Variants in SCG3 observed in about 807,000 individuals in gnomAD.
The protein encoded by SCG3 is secretogranin III, also known as secretogranin-3.
SCG3 carries 38 observed loss-of-function variants against 56.2 expected under a neutral mutation model. The ratio of observed to expected loss-of-function variants is 0.68; its 90% CI spans 0.52 to 0.89. The LOEUF is 0.89. SCG3 is among the 40% of genes least tolerant of loss of function. The probability of loss-of-function intolerance (pLI) is 0.00; values close to 1 mark genes in which losing one functional copy is unlikely to be tolerated. For missense variants in SCG3, 524 were observed against 540.7 expected, an observed-to-expected ratio of 0.97 and a Z score of 0.31; for synonymous variants, 176 against 184.2, an observed-to-expected ratio of 0.96 and a Z score of 0.36.
At chr15:51,701,357 A>T (rs1191842636) in intron 10 of SCG3, 113 bp downstream of exon 10, 7 of 1,092,066 alleles carry the variant, frequency 6.4e-6, no homozygotes, top group Non-Finnish European at 6.5e-6. Flanking sequence ...AAATTGACAC[A>T]ATCTGTATAG....
At chr15:51,688,461 A>G (rs2055244074) in intron 5 of SCG3, 59 bp downstream of exon 5, 1 of 1,534,802 alleles carries the variant, frequency 6.5e-7, no homozygotes, top group Non-Finnish European at 8.9e-7. Context: ...TATGCCAAGA[A>G]GCCAAGTCAC....
intron 10 of SCG3, among the ~76,000 whole-genome samples, chr15:51,710,638 G>T (rs1402769040): frequency 1.3e-5 from 2 of 152,062 alleles, no homozygotes; most frequent in Non-Finnish European, 2.9e-5. Flanking sequence ...CCAAGCTGGA[G>T]TGCAGTGGTG....
rs34159467 is a variant in SCG3, at chr15:51,692,257, T to C, written c.789T>C (p.Thr263=). Residue 263 remains threonine (T), a synonymous_variant, in exon 7 of 12, where the codon ACT becomes ACC. Transcript: ENST00000220478. Reference sequence around the variant, plus strand: ...TGACAAATGGCTTGGAAAGGAGAACTAAAACCTACAGTGAAGACAACTTTG... The same window carrying C: ...TGACAAATGGCTTGGAAAGGAGAACCAAAACCTACAGTGAAGACAACTTTG... ...LTLTNGLERR[T]KTYSEDNFEE... The C allele has an allele frequency of 8.5e-5, 137 of 1,614,142 alleles. No individual in the cohort carries two copies. The African/African-American group carries it at 1.6e-3, about 19-fold the overall frequency.
rs2055197744 is a variant in SCG3, at chr15:51,681,979, T to A, written c.82+142T>A. The stretch of plus-strand genomic sequence containing the variant: ...CATGAATACGGACAGAGAAATCAGT[T>A]CGAATTTAGAGACAGAAGACAGATT... On this transcript the variant is annotated intron_variant, in intron 1 of 11. Transcript: ENST00000220478. The A allele has an allele frequency of 1.6e-5, 10 of 636,972 alleles. No homozygotes were observed. In the East Asian group the frequency reaches 2.8e-4, roughly 18 times the overall value. The allele number at this position is 636,972 out of a possible 1,614,324, so 39.5% of individuals were successfully genotyped here.
chr15:51,682,542 A>C lies in SCG3; in HGVS notation c.108A>C (p.Leu36Phe). The change falls in exon 2 of 12, where the codon TTA becomes TTC. Residue 36 changes from leucine (L) to phenylalanine (F), a missense_variant. By Grantham distance (22) the Leu-to-Phe change is conservative. Transcript: ENST00000220478. ...ACAAATCTCTACATAATAGAGAATT[A>C]AGTGCAGAAAGACCTTTGAATGAAC... ...SQDKSLHNRE[L>F]SAERPLNEQI... is the part of the protein sequence containing the mutation. 6.9e-7 allele frequency: 1 copy of C among 1,449,210 alleles called. No individual in the cohort carries two copies. The highest frequency in any genetic ancestry group is 9.2e-7 in the Non-Finnish European group (1 of 1,081,842). The allele number at this position is 1,449,210 out of a possible 1,614,324, so 89.8% of individuals were successfully genotyped here.
intron 11 of SCG3, among the ~76,000 whole-genome samples, chr15:51,717,062 C>T (rs1047322706): frequency 1.3e-5 from 2 of 151,792 alleles, no homozygotes; most frequent in African/African-American, 4.8e-5. Flanking sequence ...CCCATCTCCA[C>T]AAAAAATTTA....
At chr15:51,695,764 A>AG in intron 7 of SCG3, 111 bp from the exon 8 acceptor site, 1 of 596,470 alleles carries the variant, frequency 1.7e-6, no homozygotes, top group Admixed American at 2.9e-5. Flanking sequence ...TCGTCTTTGA[A>AG]AAAAAAAAAA....
chr15:51,713,895 A>T (rs2055437055), intron 11 of SCG3, among the ~76,000 whole-genome samples: 1 of 152,210 alleles, frequency 6.6e-6, no homozygotes, highest in Non-Finnish European at 1.5e-5. Context: ...CAAGGAATGC[A>T]CAGCGTCATT....
chr15:51,708,726 C>T (rs145195085), intron 10 of SCG3, among the ~76,000 whole-genome samples: 2 of 152,098 alleles, frequency 1.3e-5, no homozygotes, highest in Admixed American at 1.3e-4. Context: ...GACAAAGTGG[C>T]GGGTGCCAGT....
intron 11 of SCG3, 74 bp downstream of exon 11, chr15:51,713,487 C>A: frequency 2.0e-6 from 2 of 1,022,000 alleles, no homozygotes; most frequent in Admixed American, 2.5e-5. Context: ...AAAATTCCCA[C>A]AGTCAAATTG....
intron 11 of SCG3, among the ~76,000 whole-genome samples, chr15:51,718,919 C>G (rs528657641): frequency 2.4e-4 from 37 of 152,178 alleles, no homozygotes; most frequent in African/African-American, 8.9e-4. Flanking sequence ...GTCAGAACAC[C>G]CGGTTCTGAT....
chr15:51,682,652 G>T, intron 2 of SCG3, 83 bp downstream of exon 2: 1 of 860,802 alleles, frequency 1.2e-6, no homozygotes. Context: ...TGACATTTTG[G>T]TCATTTTGAA....
At chr15:51,681,914 C>A in intron 1 of SCG3, 77 bp downstream of exon 1, 1 of 1,113,702 alleles carries the variant, frequency 9.0e-7, no homozygotes, top group Non-Finnish European at 1.4e-6. Context: ...AATACGTGAG[C>A]TGTAAATCAC....
intron 5 of SCG3, among the ~76,000 whole-genome samples, chr15:51,688,767 A>G (rs1177246538): frequency 6.6e-6 from 1 of 152,250 alleles, no homozygotes; most frequent in African/African-American, 2.4e-5. Context: ...TGACAAAAAA[A>G]GAAATAACAT....
chr15:51,683,190 C>A, intron 3 of SCG3, 29 bp from the exon 4 acceptor site: 1 of 1,603,780 alleles, frequency 6.2e-7, no homozygotes, highest in Non-Finnish European at 8.5e-7. Context: ...ACTAAAATGG[C>A]TGTGTTGGGT....
chr15:51,689,211 T>G lies in SCG3; in HGVS notation c.541-8T>G. The G allele has an allele frequency of 2.5e-6, 4 of 1,613,410 alleles. No homozygotes were observed. The highest frequency in any genetic ancestry group is 1.7e-6 in the Non-Finnish European group (2 of 1,179,588). ...AGCAGTTATATATGTTTTGCCTTTT[T>G]ATGATAGATCACAGAAAGCCAAGCA... On this transcript the variant is annotated splice_region_variant and splice_polypyrimidine_tract_variant and intron_variant, in intron 5 of 11. Coordinates refer to ENST00000220478, the MANE Select transcript of SCG3 (RefSeq NM_013243.4).
intron 8 of SCG3, among the ~76,000 whole-genome samples, chr15:51,696,797 C>T (rs1197267096): frequency 6.6e-6 from 1 of 152,050 alleles, no homozygotes; most frequent in Non-Finnish European, 1.5e-5. Flanking sequence ...AGGACAGCAC[C>T]AAGGAGATGG....
rs2055251137 is a variant in SCG3, at chr15:51,689,349, G to A, written c.671G>A (p.Gly224Glu). ...ACAAGCTGGACTGAGAATCAGGCTG[G>A]AAAAATACCAGAGAAAGTGGTATGT... Reference protein sequence around the residue: ...KPTSWTENQAGKIPEKVTPMA... With the variant: ...KPTSWTENQAEKIPEKVTPMA... Residue 224 changes from glycine (G) to glutamate (E), a missense_variant, in exon 6 of 12, where the codon GGA becomes GAA. Gly to Glu is a moderately conservative substitution (Grantham distance 98). Transcript: ENST00000220478. The A allele has an allele frequency of 6.2e-7, 1 of 1,613,400 alleles. No individual in the cohort carries two copies. The highest frequency in any genetic ancestry group is 8.5e-7 in the Non-Finnish European group (1 of 1,179,760).
chr15:51,707,373 A>T (rs1229661414), intron 10 of SCG3, among the ~76,000 whole-genome samples: 9 of 152,176 alleles, frequency 5.9e-5, no homozygotes, highest in Non-Finnish European at 1.3e-4. Flanking sequence ...ACATAAGAGA[A>T]TTCACGCCTG....
Sources: gnomAD v4.1 joint callset for allele counts (sites outside exome capture counted in the v4.1 genomes callset) on GRCh38, gnomAD v4.1.1 for gene constraint, MANE v1.5 for transcripts, NCBI Gene and HGNC (gene_info 2026-07-23, HGNC 2026-07-21) for gene names.